HELZ: variants seen among roughly 807,000 people sequenced by gnomAD.
HELZ encodes helicase with zinc finger.
In HELZ, 23 loss-of-function variants were observed where a neutral mutation model predicts 218.2. That is an observed-to-expected ratio of 0.11 (90% CI 0.08 to 0.15). The LOEUF (loss-of-function observed/expected upper bound fraction) is 0.15. Among genes scored for constraint, HELZ ranks in the 10% least tolerant of loss-of-function variants. The pLI is 1.00. For missense variants in HELZ, 1,813 were observed against 2,353.7 expected (o/e 0.77, Z 4.75); for synonymous variants, 814 against 829.4 (o/e 0.98, Z 0.32).
At chr17:67,218,537 C>A in intron 4 of HELZ, 58 bp downstream of exon 4, 1 of 1,294,626 alleles carries the variant, frequency 7.7e-7, no homozygotes, top group Non-Finnish European at 1.1e-6. Flanking sequence ...CGTCACCCCT[C>A]AATGAAAAAG....
At chr17:67,230,595 CAAAAAA>C (rs376918246) in intron 3 of HELZ, among the ~76,000 whole-genome samples, 3 of 111,472 alleles carry the variant, frequency 2.7e-5, no homozygotes, top group East Asian at 5.0e-4. Flanking sequence ...GACTCCATCT[CAAAAAA>C]AAAAAAAAAA....
At chr17:67,187,262 A>G (rs1339298103) in intron 12 of HELZ, among the ~76,000 whole-genome samples, 2 of 152,216 alleles carry the variant, frequency 1.3e-5, no homozygotes, top group East Asian at 3.8e-4. Context: ...CAGAATAAAA[A>G]CAAGTAAAAG....
At chr17:67,169,055 T>C (rs191465493) in intron 13 of HELZ, among the ~76,000 whole-genome samples, 5 of 151,850 alleles carry the variant, frequency 3.3e-5, no homozygotes, top group Non-Finnish European at 1.5e-5. Context: ...ATCACATCAC[T>C]GCACTCCAGC....
At chr17:67,196,774 C>T (rs544174617) in intron 7 of HELZ, among the ~76,000 whole-genome samples, 1 of 152,088 alleles carries the variant, frequency 6.6e-6, no homozygotes, top group Non-Finnish European at 1.5e-5. Flanking sequence ...CTTCAGTGCT[C>T]CTTATCACAA....
intron 31 of HELZ, among the ~76,000 whole-genome samples, chr17:67,091,166 T>C (rs921220199): frequency 1.3e-5 from 2 of 152,034 alleles, no homozygotes; most frequent in African/African-American, 4.8e-5. Flanking sequence ...GAACCTTCCA[T>C]TGGTCAAAGA....
In HELZ at chr17:67,107,307, G is replaced by T. The variant is rs1388037870; in HGVS notation, c.5103C>A (p.Gly1701=). The change falls in exon 31 of 33, where the codon GGC becomes GGA. Residue 1701 remains glycine, a synonymous_variant. Coordinates refer to ENST00000358691, the MANE Select transcript of HELZ (RefSeq NM_014877.4). The part of the protein sequence containing the change: ...NHLMGPGFPY[G]LPPLPHRPPQ... ...GTGGCCTGTGAGGCAATGGAGGTAG[G>T]CCATAGGGAAAACCTGGCCCCATTA... 2 of 1,614,204 alleles carry T rather than the reference G, an allele frequency of 1.2e-6. No individual in the cohort carries two copies. Among genetic ancestry groups the T allele is most frequent in the Admixed American group, 3.3e-5 (2 of 60,020 alleles).
At chr17:67,211,327 T>A (rs771331038) in intron 5 of HELZ, among the ~76,000 whole-genome samples, 1 of 152,202 alleles carries the variant, frequency 6.6e-6, no homozygotes, top group Non-Finnish European at 1.5e-5. Context: ...GAGAATTATA[T>A]CAATTCTATT....
At chr17:67,182,153 G>A (rs2039630453) in intron 12 of HELZ, among the ~76,000 whole-genome samples, 1 of 152,124 alleles carries the variant, frequency 6.6e-6, no homozygotes, top group Non-Finnish European at 1.5e-5. Context: ...CTGGAAAATT[G>A]AGAAGTGGCC....
upstream of HELZ, chr17:67,245,492 G>T: frequency 1.0e-6 from 1 of 985,786 alleles, no homozygotes; most frequent in South Asian, 4.7e-5. Flanking sequence ...CCGGGCAGAC[G>T]CCCCGCGTCT....
At chr17:67,229,496 T>C (rs1329585027) in intron 3 of HELZ, among the ~76,000 whole-genome samples, 3 of 152,212 alleles carry the variant, frequency 2.0e-5, no homozygotes, top group Admixed American at 2.0e-4. Flanking sequence ...ATGCATCGTG[T>C]AAAATGCCTT....
intron 3 of HELZ, among the ~76,000 whole-genome samples, chr17:67,235,546 C>T (rs147094789): frequency 0.011 from 1,618 of 151,712 alleles, 19 homozygotes; most frequent in South Asian, 0.018. Context: ...CCAGAACCCA[C>T]AAATGGTCAA....
intron 23 of HELZ, among the ~76,000 whole-genome samples, chr17:67,133,152 T>G (rs2038038620): frequency 6.6e-6 from 1 of 152,180 alleles, no homozygotes. Context: ...TGTATGTTTT[T>G]TTTTCACTCA....
chr17:67,128,472 C>A, intron 24 of HELZ, 179 bp downstream of exon 24: 1 of 642,742 alleles, frequency 1.6e-6, no homozygotes, highest in Non-Finnish European at 2.8e-6. Flanking sequence ...CATGACTAAA[C>A]ACCATACTGT....
At chr17:67,237,312 TATTA>T (rs1174421705) in intron 3 of HELZ, among the ~76,000 whole-genome samples, 1 of 152,206 alleles carries the variant, frequency 6.6e-6, no homozygotes, top group African/African-American at 2.4e-5. Context: ...TTGATTTATT[TATTA>T]GTTTAACATT....
At chr17:67,233,626 A>T (rs971898593) in intron 3 of HELZ, among the ~76,000 whole-genome samples, 5 of 152,120 alleles carry the variant, frequency 3.3e-5, no homozygotes, top group Non-Finnish European at 5.9e-5. Flanking sequence ...TTGCCCCAAT[A>T]ATCTCTGAAG....
intron 23 of HELZ, among the ~76,000 whole-genome samples, chr17:67,131,776 C>A (rs747985475): frequency 7.2e-5 from 11 of 152,152 alleles, no homozygotes; most frequent in Non-Finnish European, 1.3e-4. Context: ...CACTTCTAAA[C>A]TTTCAGGGAA....
intron 13 of HELZ, chr17:67,176,415 C>G (rs542442999): frequency 6.6e-6 from 1 of 152,336 alleles, no homozygotes; most frequent in East Asian, 1.9e-4. Context: ...CTACTCTTTG[C>G]AAGACATGTG....
rs531441154 is a variant in HELZ at position 67,109,170 on chromosome 17, G to C, written c.4435C>G (p.Leu1479Val). 23 of 1,614,030 alleles carry C rather than the reference G, an allele frequency of 1.4e-5. 1 individual carries two copies. In the South Asian group the frequency reaches 2.4e-4, roughly 17 times the overall value. Residue 1479 changes from leucine to valine, a missense_variant, in exon 29 of 33, where the codon CTG becomes GTG. By Grantham distance (32) the Leu-to-Val change is conservative. Coordinates refer to ENST00000358691, the MANE Select transcript of HELZ (RefSeq NM_014877.4). ...AQPGPILPSHLNSFIDENPSG... is the reference protein window; with the variant it reads ...AQPGPILPSHVNSFIDENPSG... ...GGGTTCTCATCAATGAAGCTATTCA[G>C]ATGTGAAGGAAGAATGGGGCCGGGT...
chr17:67,071,052 T>A lies in HELZ; in HGVS notation c.*7200A>T, dbSNP rs1317033131. On this transcript the variant is annotated 3_prime_UTR_variant, in exon 33 of 33. Coordinates refer to ENST00000358691, the MANE Select transcript of HELZ (RefSeq NM_014877.4). ...AATGCAAAACTCATTATCTTTATAA[T>A]TTAGAAGAGAAGTATTTTAATCACC... The A allele has an allele frequency of 1.3e-5, 2 of 152,210 alleles. No individual in the cohort carries two copies. The highest frequency in any genetic ancestry group is 2.9e-5 in the Non-Finnish European group (2 of 68,034). The allele number at this position is 152,210 out of a possible 1,614,324, so 9.4% of individuals were successfully genotyped here. A position where few individuals can be genotyped will look rare whatever the true frequency, so the allele number is the denominator to read the frequency against.
Sources: gnomAD v4.1 joint callset for allele counts (sites outside exome capture counted in the v4.1 genomes callset) on GRCh38, gnomAD v4.1.1 for gene constraint, MANE v1.5 for transcripts, NCBI Gene and HGNC (gene_info 2026-07-23, HGNC 2026-07-21) for gene names.